The following NCAPD3 variants were observed in gnomAD, a reference collection of about 807,000 sequenced individuals.
The protein encoded by NCAPD3 is non-SMC condensin II complex subunit D3.
A neutral mutation model predicts 182.9 loss-of-function variants in NCAPD3; 105 were observed. The ratio of observed to expected loss-of-function variants is 0.57; its 90% confidence interval spans 0.49 to 0.68. The LOEUF is 0.68. NCAPD3 is among the 30% of genes least tolerant of loss of function. NCAPD3 has a pLI of 0.00. For missense variants in NCAPD3, 1,944 were observed against 1,837.0 expected (o/e 1.06, Z -1.07); for synonymous variants, 815 against 679.9 (o/e 1.20, Z -3.09).
intron 16 of NCAPD3, among the ~76,000 whole-genome samples, chr11:134,190,055 TTTTA>T (rs1465489978): frequency 2.6e-5 from 4 of 152,236 alleles, no homozygotes; most frequent in Non-Finnish European, 4.4e-5. Context: ...TAATTCACCC[TTTTA>T]TTTTATGATT....
intron 27 of NCAPD3, among the ~76,000 whole-genome samples, chr11:134,162,930 GC>G (rs977642484): frequency 1.3e-5 from 2 of 152,164 alleles, no homozygotes; most frequent in African/African-American, 4.8e-5. Flanking sequence ...GGAGTGCATG[GC>G]CATCTGATGG....
Position 134,165,069 on chromosome 11 carries a change from A to T in NCAPD3, c.3573+2927T>A, listed in dbSNP as rs559466061. On this transcript the variant is annotated intron_variant, in intron 27 of 34. Coordinates refer to ENST00000534548, the MANE Select transcript of NCAPD3 (RefSeq NM_015261.3). ...CACACACTTAGATTAGCTGAGGGGGAGCGGCACACTCACTTGTGAAATGAG... is the reference window on the plus strand; with the variant it reads ...CACACACTTAGATTAGCTGAGGGGGTGCGGCACACTCACTTGTGAAATGAG... 1.2e-4 allele frequency among the ~76,000 whole-genome samples: 18 copies of T among 148,470 alleles called. No homozygotes were observed. In the East Asian group the frequency reaches 3.3e-3, roughly 27 times the overall value.
chr11:134,222,619 G>A (rs1856269873), intron 1 of NCAPD3, among the ~76,000 whole-genome samples: 1 of 152,200 alleles, frequency 6.6e-6, no homozygotes, highest in Non-Finnish European at 1.5e-5. Context: ...CTATGGATGA[G>A]TGTTAAAATA....
chr11:134,164,542 A>G (rs142346136), intron 27 of NCAPD3, among the ~76,000 whole-genome samples: 1 of 152,372 alleles, frequency 6.6e-6, no homozygotes, highest in Non-Finnish European at 1.5e-5. Context: ...GAAGAGTGGG[A>G]CACTCACTTG....
At chr11:134,206,454 A>G in intron 8 of NCAPD3, 145 bp downstream of exon 8, 3 of 1,017,896 alleles carry the variant, frequency 2.9e-6, no homozygotes. Context: ...CATAAAGCAC[A>G]TTAGCTACGA....
At chr11:134,189,218 C>G (rs181162249) in intron 16 of NCAPD3, among the ~76,000 whole-genome samples, 147 of 152,272 alleles carry the variant, frequency 9.7e-4, no homozygotes, top group African/African-American at 3.2e-3. Flanking sequence ...TTTATTTGTA[C>G]CTTTTTTCTT....
intron 30 of NCAPD3, 36 bp downstream of exon 30, chr11:134,158,293 G>A (rs2120530268): frequency 1.2e-6 from 2 of 1,610,972 alleles, no homozygotes; most frequent in Non-Finnish European, 1.7e-6. Context: ...TCGCCACAGA[G>A]AACCAGCCCT....
intron 24 of NCAPD3, among the ~76,000 whole-genome samples, chr11:134,175,211 G>C (rs1944131705): frequency 6.6e-6 from 1 of 152,140 alleles, no homozygotes; most frequent in Non-Finnish European, 1.5e-5. Context: ...GAAAAATGAG[G>C]AAATGCAGGT....
At chr11:134,175,225 G>A (rs929468335) in intron 24 of NCAPD3, among the ~76,000 whole-genome samples, 1 of 152,178 alleles carries the variant, frequency 6.6e-6, no homozygotes, top group Non-Finnish European at 1.5e-5. Flanking sequence ...TGCAGGTTAA[G>A]TAACCGATTT....
chr11:134,168,390 T>G, intron 26 of NCAPD3, 79 bp downstream of exon 26: 1 of 1,586,360 alleles, frequency 6.3e-7, no homozygotes, highest in Non-Finnish European at 8.6e-7. Flanking sequence ...TCTCCCTTAC[T>G]AGAGGCCTGC....
At position 134,177,477 on chromosome 11, in the gene NCAPD3, G is replaced by T; in HGVS notation, c.2783-20C>A. On this transcript the variant is annotated intron_variant, in intron 22 of 34. Transcript: ENST00000534548. ...GCTTACCTGGCACAGAAGACAGGAA[G>T]ATGTCTCAACTGTATTCTAAATCCT... 1 of 1,593,260 alleles carries T rather than the reference G, an allele frequency of 6.3e-7. No individual in the cohort carries two copies. The highest frequency in any genetic ancestry group is 8.6e-7 in the Non-Finnish European group (1 of 1,162,360).
intron 13 of NCAPD3, among the ~76,000 whole-genome samples, chr11:134,197,341 A>G (rs1365909371): frequency 7.2e-6 from 1 of 138,328 alleles, no homozygotes; most frequent in Non-Finnish European, 1.5e-5. Flanking sequence ...CAGTCGCATG[A>G]TATTGGCTCA....
chr11:134,208,972 AT>A, intron 6 of NCAPD3, 21 bp from the exon 7 acceptor site: 2 of 1,539,042 alleles, frequency 1.3e-6, no homozygotes, highest in Non-Finnish European at 1.8e-6. Flanking sequence ...AAGACGAAAT[AT>A]TAGTTAATGG....
intron 16 of NCAPD3, among the ~76,000 whole-genome samples, chr11:134,188,390 T>C (rs1486436762): frequency 6.6e-6 from 1 of 152,160 alleles, no homozygotes; most frequent in Non-Finnish European, 1.5e-5. Context: ...AATAAGGGAA[T>C]AAAAGCTGGC....
chr11:134,204,977 T>C lies in NCAPD3; in HGVS notation c.1017-6A>G. 1 of 1,610,946 alleles carries C rather than the reference T, an allele frequency of 6.2e-7. No homozygotes were observed. Among genetic ancestry groups the C allele is most frequent in the Non-Finnish European group, 8.5e-7 (1 of 1,177,200 alleles). ...TTAATTCATCCACAAGGGCGCTTTG[T>C]AAAAGAAAAACACATCTACTGTTCA... On this transcript the variant is annotated splice_polypyrimidine_tract_variant and splice_region_variant and intron_variant, in intron 8 of 34. Transcript: ENST00000534548. This position sits in a 1 kb window ranked among gnomAD's most constrained non-coding sequence, Gnocchi z 4.3.
Position 134,203,683 on chromosome 11 carries a change from G to A in NCAPD3, c.1439C>T (p.Ser480Leu), listed in dbSNP as rs201688313. The change falls in exon 11 of 35, where the codon TCG (serine) becomes TTG (leucine). Residue 480 changes from serine to leucine, a missense_variant. By Grantham distance (145) the Ser-to-Leu change is moderately radical. Transcript: ENST00000534548. ...HCLELTVTSA[S>L]ESILELLINS... ...AATCAGGAGCTCCAGGATACTCTCC[G>A]ACGCACTGGTAACAGTCAACTCCAG... The A allele has an allele frequency of 1.6e-5, 26 of 1,613,540 alleles. No homozygotes were observed. Among genetic ancestry groups the A allele is most frequent in the African/African-American group, 2.7e-5 (2 of 74,902 alleles).
chr11:134,212,828 T>A lies in NCAPD3; in HGVS notation c.383-2374A>T, dbSNP rs138663263. On this transcript the variant is annotated intron_variant, in intron 3 of 34. Transcript: ENST00000534548. The stretch of plus-strand genomic sequence containing the variant: ...AAACATACACATACATGCAAAAGAG[T>A]ATAGCTAATACACCAAAAGAGACAA... Among the ~76,000 whole-genome samples, 30 of 151,246 alleles carry A rather than the reference T, an allele frequency of 2.0e-4. No homozygotes were observed. The East Asian group carries it at 5.4e-3, about 27-fold the overall frequency.
chr11:134,211,034 A>G lies in NCAPD3; in HGVS notation c.383-580T>C, dbSNP rs556233527. Among the ~76,000 whole-genome samples, 279 of 152,328 alleles carry G rather than the reference A, an allele frequency of 1.8e-3. 1 individual carries two copies. The highest frequency in any genetic ancestry group is 3.0e-3 in the Non-Finnish European group (206 of 68,028). On this transcript the variant is annotated intron_variant, in intron 3 of 34. Coordinates refer to ENST00000534548, the MANE Select transcript of NCAPD3 (RefSeq NM_015261.3). ...GGTAAAATTCTAAGACAGAGAGCAAAGAAGTATTTCCAAGGAGCAAGAAGA... is the reference window on the plus strand; with the variant it reads ...GGTAAAATTCTAAGACAGAGAGCAAGGAAGTATTTCCAAGGAGCAAGAAGA...
At chr11:134,220,892 G>A (rs1309140007) in intron 1 of NCAPD3, among the ~76,000 whole-genome samples, 166 bp from the exon 2 acceptor site, 1 of 152,136 alleles carries the variant, frequency 6.6e-6, no homozygotes. Context: ...AACCAGAAAA[G>A]GTTAAGAGAA....
Sources: allele counts gnomAD v4.1 joint callset (sites outside exome capture counted in the v4.1 genomes callset), GRCh38; gene constraint gnomAD v4.1.1; non-coding constraint Gnocchi (gnomAD v3.1); transcripts MANE v1.5; gene names NCBI Gene and HGNC (gene_info 2026-07-23, HGNC 2026-07-21).